The following PCDH11X variants were observed in gnomAD, a reference collection of about 807,000 sequenced individuals.
PCDH11X encodes the protein protocadherin-11 X-linked.
In PCDH11X, 18 loss-of-function variants were observed where a neutral mutation model predicts 53.3. That is an observed-to-expected ratio of 0.34 (90% CI 0.23 to 0.50). The LOEUF is 0.50. Ranked by LOEUF, PCDH11X falls within the 20% of genes least tolerant of loss-of-function variation. The pLI, the probability that PCDH11X is intolerant of heterozygous loss-of-function variation, is 0.98. For synonymous variants in PCDH11X, 279 were observed against 393.3 expected, an observed-to-expected ratio of 0.71 and a Z score of 3.44; for missense variants, 570 against 1,032.4, an observed-to-expected ratio of 0.55 and a Z score of 6.14.
At chrX:92,204,248 G>T (rs1285219787) in intron 7 of PCDH11X, among the ~76,000 whole-genome samples, 1 of 111,918 alleles carries the variant, frequency 8.9e-6, no homozygotes, top group Non-Finnish European at 1.9e-5. Context: ...TCTGCAGCAG[G>T]CTTGAATTTC....
chrX:92,416,783 A>T (rs1603305667), intron 9 of PCDH11X, among the ~76,000 whole-genome samples: 2 of 81,173 alleles, frequency 2.5e-5, no homozygotes, highest in Non-Finnish European at 4.7e-5. Context: ...ACCCCTTTTT[A>T]AAAAAGTTAA....
At chrX:92,121,959 GA>G (rs2064774661) in intron 6 of PCDH11X, among the ~76,000 whole-genome samples, 1 of 95,147 alleles carries the variant, frequency 1.1e-5, no homozygotes, top group African/African-American at 3.9e-5. Context: ...CCCTTTCAAA[GA>G]AAAAAGAAGC....
chrX:92,573,240 T>C (rs1343300952), intron 10 of PCDH11X, among the ~76,000 whole-genome samples: 1 of 111,686 alleles, frequency 9.0e-6, no homozygotes, highest in East Asian at 2.8e-4. Flanking sequence ...TATTACTAGA[T>C]GACCCCTTAG....
intron 6 of PCDH11X, among the ~76,000 whole-genome samples, chrX:91,887,377 C>A (rs1217681226): frequency 1.8e-5 from 2 of 110,914 alleles, no homozygotes; most frequent in African/African-American, 3.3e-5. Flanking sequence ...TGTGATAATA[C>A]AAAGCTATAT....
chrX:92,509,841 C>T (rs2074132179), intron 10 of PCDH11X, among the ~76,000 whole-genome samples: 1 of 111,706 alleles, frequency 9.0e-6, no homozygotes, highest in African/African-American at 3.2e-5. Flanking sequence ...ATAAAATTAT[C>T]GGTACAAAGA....
rs944583804 is a variant in PCDH11X at position 91,966,551 on chromosome X, C to T, written c.3033+87278C>T. Among the ~76,000 whole-genome samples, 31 of 109,156 alleles carry T rather than the reference C, an allele frequency of 2.8e-4. 1 individual carries two copies. The highest frequency in any genetic ancestry group is 8.4e-4 in the African/African-American group (25 of 29,808). The allele number at this position is 109,156 out of a possible 115,157, so 94.8% of individuals were successfully genotyped here. ...TAGGAGAAATGCCTAATGTAAATGA[C>T]GAGTTGATGGGTGCAGCAAACCAAC... is the stretch of plus-strand genomic sequence containing the variant. On this transcript the variant is annotated intron_variant, in intron 6 of 10. Transcript: ENST00000682573.
At chrX:92,565,190 C>A (rs750814745) in intron 10 of PCDH11X, among the ~76,000 whole-genome samples, 73 of 102,147 alleles carry the variant, frequency 7.1e-4, no homozygotes, top group Admixed American at 2.6e-3. Flanking sequence ...ATTAGTACAA[C>A]CACAATAGAG....
chrX:91,800,947 G>A (rs1188045971), intron 1 of PCDH11X, among the ~76,000 whole-genome samples: 2 of 108,008 alleles, frequency 1.9e-5, no homozygotes, highest in Non-Finnish European at 3.8e-5. Context: ...GGGAGGTGGA[G>A]TGGGGCAGAG....
At chrX:92,317,994 G>A (rs2069117410) in intron 8 of PCDH11X, among the ~76,000 whole-genome samples, 1 of 110,985 alleles carries the variant, frequency 9.0e-6, no homozygotes, top group East Asian at 2.8e-4. Flanking sequence ...TAATAGTAAT[G>A]TAATATCTAA....
intron 6 of PCDH11X, chrX:91,983,620 C>G (rs2062180527): frequency 2.7e-6 from 1 of 368,745 alleles, no homozygotes; most frequent in South Asian, 3.3e-5. Flanking sequence ...TTTTTAAAAC[C>G]ATCAGATCTC....
chrX:91,828,456 AT>A, intron 4 of PCDH11X, among the ~76,000 whole-genome samples: 1 of 111,416 alleles, frequency 9.0e-6, no homozygotes, highest in Non-Finnish European at 1.9e-5. Flanking sequence ...TGGGTGTCAC[AT>A]TTATGGTTCA....
At chrX:91,821,801 G>T (rs1290466980) in intron 4 of PCDH11X, among the ~76,000 whole-genome samples, 1 of 100,354 alleles carries the variant, frequency 1.0e-5, no homozygotes, top group Non-Finnish European at 1.9e-5. Context: ...TATGATATTG[G>T]CTGTGGGTTT....
chrX:92,129,520 T>C (rs754549239), intron 6 of PCDH11X, among the ~76,000 whole-genome samples: 29 of 112,095 alleles, frequency 2.6e-4, no homozygotes, highest in Non-Finnish European at 4.3e-4. Context: ...AGTATAAGTT[T>C]TATAGGACAA....
At chrX:91,881,880 G>T (rs1451788003) in intron 6 of PCDH11X, among the ~76,000 whole-genome samples, 3 of 110,905 alleles carry the variant, frequency 2.7e-5, no homozygotes, top group African/African-American at 9.8e-5. Flanking sequence ...TAAACAGTGA[G>T]AAATGCATTT....
intron 8 of PCDH11X, among the ~76,000 whole-genome samples, chrX:92,302,220 A>T (rs776789589): frequency 9.0e-6 from 1 of 111,250 alleles, no homozygotes; most frequent in Admixed American, 9.6e-5. Context: ...CCTAAGAAAG[A>T]TAGCACTCCC....
chrX:92,510,113 G>A (rs779610231), intron 10 of PCDH11X, among the ~76,000 whole-genome samples: 16 of 104,360 alleles, frequency 1.5e-4, no homozygotes, highest in African/African-American at 4.7e-4. Flanking sequence ...CAGGGTGAGT[G>A]AAATAAAATG....
In PCDH11X at chrX:92,113,329, T is replaced by C. The variant is rs1178357310; in HGVS notation, c.3034-88046T>C. The C allele has an allele frequency of 1.9e-5, 23 of 1,195,660 alleles. 1 individual carries two copies. In the African/African-American group the frequency reaches 4.1e-4, roughly 21 times the overall value. ...GTCTCGAAGAGTCCTCTTGTCTTCT[T>C]CTGTCACCATGTTAATAGCCACATC... is the stretch of plus-strand genomic sequence containing the variant. On this transcript the variant is annotated intron_variant, in intron 6 of 10. Transcript: ENST00000682573.
chrX:92,325,515 A>T (rs1280692655), intron 8 of PCDH11X, among the ~76,000 whole-genome samples: 1 of 111,587 alleles, frequency 9.0e-6, no homozygotes, highest in East Asian at 2.8e-4. Flanking sequence ...TAATTTAGGT[A>T]CCAAAACTTA....
intron 10 of PCDH11X, among the ~76,000 whole-genome samples, chrX:92,581,621 A>G (rs1273378726): frequency 1.8e-5 from 2 of 112,044 alleles, no homozygotes; most frequent in Non-Finnish European, 3.8e-5. Context: ...CTTTATCAGC[A>G]GTGTGAAAAC....
Sources: gnomAD v4.1 joint callset for allele counts (sites outside exome capture counted in the v4.1 genomes callset) on GRCh38, gnomAD v4.1.1 for gene constraint, MANE v1.5 for transcripts, NCBI Gene and HGNC (gene_info 2026-07-23, HGNC 2026-07-21) for gene names.